CACNA1C: variants seen among roughly 807,000 people sequenced by gnomAD.
The protein encoded by CACNA1C is voltage-dependent L-type calcium channel subunit alpha-1C.
Under a neutral mutation model 229.0 loss-of-function variants are expected in CACNA1C, and 30 were observed. That is an observed-to-expected ratio of 0.13 (90% CI 0.10 to 0.18). The LOEUF is 0.18. CACNA1C is among the 10% of genes least tolerant of loss of function. CACNA1C has a pLI of 1.00. For synonymous variants in CACNA1C, 1,114 were observed against 1,132.5 expected, an observed-to-expected ratio of 0.98 and a Z score of 0.33; for missense variants, 1,658 against 2,845.0, an observed-to-expected ratio of 0.58 and a Z score of 9.49.
chr12:1,979,847 T>C (rs2035592148), intron 1 of CACNA1C, among the ~76,000 whole-genome samples: 1 of 152,222 alleles, frequency 6.6e-6, no homozygotes, highest in South Asian at 2.1e-4. Context: ...TCTGCATAGG[T>C]TTCCAATGTC....
chr12:2,264,068 C>T (rs1374359417), intron 3 of CACNA1C, among the ~76,000 whole-genome samples: 2 of 152,330 alleles, frequency 1.3e-5, no homozygotes, highest in East Asian at 1.9e-4. Flanking sequence ...ACCCCTCCAC[C>T]CCGGTGGTGC....
chr12:2,172,343 T>C (rs765164856), intron 3 of CACNA1C, among the ~76,000 whole-genome samples: 2 of 152,228 alleles, frequency 1.3e-5, no homozygotes, highest in African/African-American at 2.4e-5. Context: ...AAAGGCAGCC[T>C]TTCCAGACTC....
At chr12:2,261,125 G>A (rs990923725) in intron 3 of CACNA1C, among the ~76,000 whole-genome samples, 4 of 151,982 alleles carry the variant, frequency 2.6e-5, no homozygotes, top group Non-Finnish European at 4.4e-5. Flanking sequence ...CCAGCTACTC[G>A]GAAGGCTGAG....
intron 3 of CACNA1C, among the ~76,000 whole-genome samples, chr12:2,155,963 A>C (rs1426380602): frequency 1.3e-5 from 2 of 152,204 alleles, no homozygotes; most frequent in South Asian, 2.1e-4. Flanking sequence ...TATTGTTATA[A>C]AGCATTTTTC....
intron 45 of CACNA1C, among the ~76,000 whole-genome samples, chr12:2,688,010 T>C (rs1040979932): frequency 6.6e-6 from 1 of 152,240 alleles, no homozygotes; most frequent in African/African-American, 2.4e-5. Context: ...ACAGACCTCA[T>C]TGCGCTTGAG....
At chr12:2,246,030 G>T (rs1476152281) in intron 3 of CACNA1C, among the ~76,000 whole-genome samples, 1 of 152,174 alleles carries the variant, frequency 6.6e-6, no homozygotes, top group African/African-American at 2.4e-5. Flanking sequence ...AACTTTGTGC[G>T]TGGTACACCC....
chr12:2,692,489 G>T lies in CACNA1C; in HGVS notation c.*1290G>T, dbSNP rs139781447. 5.2e-5 allele frequency: 8 copies of T among 152,810 alleles called. No homozygotes were observed. The highest frequency in any genetic ancestry group is 1.9e-4 in the African/African-American group (8 of 41,584). The allele number at this position is 152,810 out of a possible 1,614,324, so 9.5% of individuals were successfully genotyped here. On this transcript the variant is annotated 3_prime_UTR_variant, in exon 47 of 47. Transcript: ENST00000399655. Reference sequence around the variant, plus strand: ...GCAGTCCCCCCTTTCTGGTTTAGCTGTGGGAAGATCTGAATCTGGGGCCGT... The same window carrying T: ...GCAGTCCCCCCTTTCTGGTTTAGCTTTGGGAAGATCTGAATCTGGGGCCGT...
At chr12:2,144,591 C>A (rs1392084417) in intron 3 of CACNA1C, among the ~76,000 whole-genome samples, 1 of 151,186 alleles carries the variant, frequency 6.6e-6, no homozygotes, top group Non-Finnish European at 1.5e-5. Flanking sequence ...TATAACTCAC[C>A]TCTAAAATGT....
chr12:2,312,074 C>T (rs2095466015), intron 3 of CACNA1C, among the ~76,000 whole-genome samples: 1 of 152,110 alleles, frequency 6.6e-6, no homozygotes, highest in South Asian at 2.1e-4. Flanking sequence ...GGGAACAGGC[C>T]CACACAATGT....
At chr12:2,369,702 C>G (rs796446353) in intron 3 of CACNA1C, among the ~76,000 whole-genome samples, 7 of 152,252 alleles carry the variant, frequency 4.6e-5, no homozygotes, top group African/African-American at 1.7e-4. Flanking sequence ...CCACGCCCAG[C>G]CTACATACCT....
At chr12:2,056,071 CA>C (rs1372036223) in intron 1 of CACNA1C, among the ~76,000 whole-genome samples, 3 of 152,118 alleles carry the variant, frequency 2.0e-5, no homozygotes, top group Admixed American at 6.5e-5. Context: ...AGTCGAGAAC[CA>C]AAAAAGTTGT....
chr12:2,049,787 C>G (rs1272621205), upstream of CACNA1C, among the ~76,000 whole-genome samples: 1 of 152,220 alleles, frequency 6.6e-6, no homozygotes, highest in Non-Finnish European at 1.5e-5. Flanking sequence ...CCCACCACCT[C>G]CCAAATCCCC....
Position 2,690,987 on chromosome 12 carries a change from A to G in CACNA1C, c.6205A>G (p.Met2069Val). The change falls in exon 47 of 47, where the codon ATG (methionine) becomes GTG (valine). Residue 2069 changes from methionine (M) to valine (V), a missense_variant. Around this residue, in one of 20 missense-constraint regions of CACNA1C, gnomAD observed 590 missense variants for 700.8 expected, o/e 0.84. Coordinates refer to ENST00000399655, the MANE Select transcript of CACNA1C (RefSeq NM_000719.7). ...TTQELADACD[M>V]TIEEMESAAD... is the part of the protein sequence containing the mutation. ...CCAGGAGCTGGCCGACGCCTGCGAC[A>G]TGACCATAGAGGAGATGGAGAGCGC... 1.2e-6 allele frequency: 2 copies of G among 1,600,742 alleles called. No homozygotes were observed. The highest frequency in any genetic ancestry group is 2.3e-5 in the East Asian group (1 of 44,182).
chr12:2,333,792 G>A (rs369689470), intron 3 of CACNA1C, among the ~76,000 whole-genome samples: 1 of 152,204 alleles, frequency 6.6e-6, no homozygotes, highest in African/African-American at 2.4e-5. Context: ...CCTGCCATTT[G>A]TGTAGCTCTT....
At chr12:2,596,375 C>T (rs1275161131) in intron 20 of CACNA1C, among the ~76,000 whole-genome samples, 6 of 152,114 alleles carry the variant, frequency 3.9e-5, no homozygotes, top group Non-Finnish European at 8.8e-5. Context: ...CAAATAGGTG[C>T]CAATGATATG....
At chr12:2,429,148 C>G (rs545924515) in intron 3 of CACNA1C, among the ~76,000 whole-genome samples, 77 of 151,826 alleles carry the variant, frequency 5.1e-4, no homozygotes, top group African/African-American at 1.7e-3. Flanking sequence ...CATGGCTTCC[C>G]TCTTTGTGTG....
At chr12:2,314,174 C>A (rs1173984483) in intron 3 of CACNA1C, among the ~76,000 whole-genome samples, 2 of 152,202 alleles carry the variant, frequency 1.3e-5, no homozygotes, top group Non-Finnish European at 2.9e-5. Flanking sequence ...GAGCTTGCAG[C>A]CTTCTAGGCT....
intron 3 of CACNA1C, among the ~76,000 whole-genome samples, chr12:2,219,103 CA>C (rs2060767725): frequency 6.6e-6 from 1 of 152,152 alleles, no homozygotes; most frequent in Non-Finnish European, 1.5e-5. Flanking sequence ...AAAAATCAGC[CA>C]GGTAGAGTTC....
chr12:2,364,055 G>T (rs768235259), intron 3 of CACNA1C, among the ~76,000 whole-genome samples: 17 of 152,122 alleles, frequency 1.1e-4, no homozygotes, highest in Non-Finnish European at 2.4e-4. Flanking sequence ...CTTCTCCAAG[G>T]ACAGCCTAAC....
Sources: allele counts gnomAD v4.1 joint callset (sites outside exome capture counted in the v4.1 genomes callset), GRCh38; gene constraint gnomAD v4.1.1; regional missense constraint gnomAD v4.1.1; transcripts MANE v1.5; gene names NCBI Gene and HGNC (gene_info 2026-07-23, HGNC 2026-07-21).